KCNQ5: variants seen among roughly 807,000 people sequenced by gnomAD.
KCNQ5 encodes the protein potassium voltage-gated channel subfamily KQT member 5.
A neutral mutation model predicts 98.2 loss-of-function variants in KCNQ5; 30 were observed. The observed-to-expected ratio is 0.31, with a 90% CI of 0.23 to 0.41. The LOEUF is 0.41. Among genes scored for constraint, KCNQ5 ranks in the 10% least tolerant of loss-of-function variants. The pLI, the probability that KCNQ5 is intolerant of heterozygous loss-of-function variation, is 1.00. For missense variants in KCNQ5, 835 were observed against 1,182.5 expected (o/e 0.71, Z 4.31); for synonymous variants, 458 against 449.4 (o/e 1.02, Z -0.24).
chr6:72,964,070 T>A (rs940878403), intron 1 of KCNQ5, among the ~76,000 whole-genome samples: 7 of 152,216 alleles, frequency 4.6e-5, no homozygotes, highest in South Asian at 2.1e-4. Context: ...GAAAATTTTT[T>A]AAAAATGAAT....
chr6:72,739,302 T>G (rs938830052), intron 1 of KCNQ5, among the ~76,000 whole-genome samples: 5 of 152,196 alleles, frequency 3.3e-5, no homozygotes, highest in Non-Finnish European at 7.4e-5. Flanking sequence ...ATTATAGAAA[T>G]CAGCTACGTA....
At chr6:73,099,560 C>T (rs1774672742) in intron 5 of KCNQ5, among the ~76,000 whole-genome samples, 1 of 151,944 alleles carries the variant, frequency 6.6e-6, no homozygotes, top group Admixed American at 6.6e-5. Flanking sequence ...GGTTTCAAGA[C>T]AAAAGCTATC....
chr6:72,898,098 T>C (rs1049822531), intron 1 of KCNQ5, among the ~76,000 whole-genome samples: 1 of 152,168 alleles, frequency 6.6e-6, no homozygotes, highest in African/African-American at 2.4e-5. Flanking sequence ...TAATGAACAA[T>C]GGCACCTGAG....
At chr6:72,678,793 A>G (rs1359899106) in intron 1 of KCNQ5, among the ~76,000 whole-genome samples, 1 of 152,124 alleles carries the variant, frequency 6.6e-6, no homozygotes, top group Non-Finnish European at 1.5e-5. Context: ...TATGTTCCAT[A>G]TTTGATTTTC....
At chr6:72,827,323 C>T (rs1343551906) in intron 1 of KCNQ5, among the ~76,000 whole-genome samples, 1 of 152,034 alleles carries the variant, frequency 6.6e-6, no homozygotes, top group African/African-American at 2.4e-5. Context: ...AGTGGCTGTA[C>T]TAGTTTATGT....
intron 2 of KCNQ5, among the ~76,000 whole-genome samples, chr6:73,012,218 G>C (rs1351897023): frequency 6.6e-6 from 1 of 152,062 alleles, no homozygotes; most frequent in Admixed American, 6.6e-5. Context: ...AACGACCCAA[G>C]TGTATACTGA....
chr6:73,111,213 T>C lies in KCNQ5; in HGVS notation c.1030-95T>C, dbSNP rs1194609333. On this transcript the variant is annotated intron_variant, in intron 6 of 13. Coordinates refer to ENST00000370398, the MANE Select transcript of KCNQ5 (RefSeq NM_019842.4). ...TTATGGACAGGTTACATACCGTTTGTCTTCTCTCAGACTCATTTTAGTGAC... is the reference window on the plus strand; with the variant it reads ...TTATGGACAGGTTACATACCGTTTGCCTTCTCTCAGACTCATTTTAGTGAC... 4.9e-6 allele frequency: 4 copies of C among 810,886 alleles called. No homozygotes were observed. The African/African-American group carries it at 5.2e-5, about 11-fold the overall frequency. 50.2% of individuals were successfully genotyped at this position (810,886 alleles called of 1,614,324 possible).
chr6:73,077,830 G>T lies in KCNQ5; in HGVS notation c.861G>T (p.Val287=), dbSNP rs1773597080. The T allele has an allele frequency of 6.2e-7, 1 of 1,611,336 alleles. No homozygotes were observed. Among genetic ancestry groups the T allele is most frequent in the African/African-American group, 1.3e-5 (1 of 74,800 alleles). The part of the protein sequence containing the change: ...LIFSSFLVYL[V]EKDANKEFST... ...TTTCGTCTTTCCTTGTCTATCTGGT[G>T]GAAAAGGATGCCAATAAAGAGTTTT... Residue 287 remains valine (V), a synonymous_variant, in exon 5 of 14, where the codon GTG becomes GTT. Coordinates refer to ENST00000370398, the MANE Select transcript of KCNQ5 (RefSeq NM_019842.4).
intron 1 of KCNQ5, among the ~76,000 whole-genome samples, chr6:72,730,799 T>C (rs2154475741): frequency 6.6e-6 from 1 of 151,760 alleles, no homozygotes; most frequent in East Asian, 1.9e-4. Context: ...GTTTGTTTCT[T>C]TTTCCATATA....
chr6:72,684,180 G>A (rs992837650), intron 1 of KCNQ5, among the ~76,000 whole-genome samples: 1 of 152,076 alleles, frequency 6.6e-6, no homozygotes, highest in African/African-American at 2.4e-5. Flanking sequence ...ATGAGTATGG[G>A]TTCCACCATC....
intron 1 of KCNQ5, among the ~76,000 whole-genome samples, chr6:72,924,161 A>G (rs906944335): frequency 6.6e-6 from 1 of 152,116 alleles, no homozygotes; most frequent in Admixed American, 6.5e-5. Context: ...TCTTCTAATC[A>G]TTACACACCA....
chr6:73,140,933 C>T (rs1776678261), intron 10 of KCNQ5, among the ~76,000 whole-genome samples: 1 of 152,150 alleles, frequency 6.6e-6, no homozygotes, highest in African/African-American at 2.4e-5. Context: ...CATATGTACT[C>T]TTGTCCCCCT....
At chr6:73,178,068 AT>A (rs1413206446) in intron 11 of KCNQ5, among the ~76,000 whole-genome samples, 6 of 152,026 alleles carry the variant, frequency 3.9e-5, no homozygotes, top group Admixed American at 2.0e-4. Flanking sequence ...GTCAACATGT[AT>A]AGTCAATTTA....
At chr6:72,692,893 C>T (rs910168915) in intron 1 of KCNQ5, among the ~76,000 whole-genome samples, 4 of 152,136 alleles carry the variant, frequency 2.6e-5, no homozygotes, top group Non-Finnish European at 1.5e-5. Context: ...TTGTATGCAA[C>T]ACCAAGAAAT....
chr6:73,031,323 G>T (rs557400382), intron 2 of KCNQ5, among the ~76,000 whole-genome samples: 6 of 152,262 alleles, frequency 3.9e-5, no homozygotes, highest in Admixed American at 3.3e-4. Flanking sequence ...AAGACATCTT[G>T]CAGTAAGAAG....
At chr6:72,760,026 T>A (rs1445893824) in intron 1 of KCNQ5, among the ~76,000 whole-genome samples, 1 of 152,106 alleles carries the variant, frequency 6.6e-6, no homozygotes, top group Non-Finnish European at 1.5e-5. Flanking sequence ...CAGCCAATCC[T>A]GAGCAGAATG....
chr6:72,968,588 A>C (rs1382123839), intron 1 of KCNQ5, among the ~76,000 whole-genome samples: 1 of 152,152 alleles, frequency 6.6e-6, no homozygotes, highest in Non-Finnish European at 1.5e-5. Context: ...TAAGTTATAC[A>C]TTTCTATATT....
In KCNQ5 at chr6:73,131,384, A is replaced by G. The variant is rs1305749343; in HGVS notation, c.1248-2037A>G. On this transcript the variant is annotated intron_variant, in intron 9 of 13. Coordinates refer to ENST00000370398, the MANE Select transcript of KCNQ5 (RefSeq NM_019842.4). Reference sequence around the variant, plus strand: ...TGATATTAACTAAAACCAACCTTTTATAGTAATTAGCATCTGTTAGTTCCA... The same window carrying G: ...TGATATTAACTAAAACCAACCTTTTGTAGTAATTAGCATCTGTTAGTTCCA... Among the ~76,000 whole-genome samples the G allele has an allele frequency of 2.0e-5, 3 of 152,298 alleles. No individual in the cohort carries two copies. In the East Asian group the frequency reaches 5.8e-4, roughly 29 times the overall value.
At chr6:73,128,542 T>G (rs1354603133) in intron 9 of KCNQ5, among the ~76,000 whole-genome samples, 1 of 152,230 alleles carries the variant, frequency 6.6e-6, no homozygotes, top group East Asian at 1.9e-4. Flanking sequence ...TAGTCAGTCA[T>G]CACATTGATA....
Sources: allele counts gnomAD v4.1 joint callset (sites outside exome capture counted in the v4.1 genomes callset), GRCh38; gene constraint gnomAD v4.1.1; transcripts MANE v1.5; gene names NCBI Gene and HGNC (gene_info 2026-07-23, HGNC 2026-07-21).